Variants in ADK observed in about 807,000 individuals in gnomAD.
The protein encoded by ADK is adenosine kinase, also known as N6,N6-dimethyladenosine kinase.
In ADK, 24 loss-of-function variants were observed where a neutral mutation model predicts 44.7. The observed-to-expected ratio is 0.54, with a 90% CI of 0.39 to 0.76. ADK has a LOEUF of 0.76. Among genes scored for constraint, ADK ranks in the 30% least tolerant of loss-of-function variants. The pLI, the probability that ADK is intolerant of heterozygous loss-of-function variation, is 0.00. For missense variants in ADK, 321 were observed against 425.1 expected (o/e 0.76, Z 2.15); for synonymous variants, 128 against 142.6 (o/e 0.90, Z 0.73).
At chr10:74,210,867 C>T (rs549358253) in intron 2 of ADK, among the ~76,000 whole-genome samples, 1 of 152,200 alleles carries the variant, frequency 6.6e-6, no homozygotes, top group South Asian at 2.1e-4. Context: ...GAATTGTAAA[C>T]TGCTCTGACA....
At chr10:74,603,048 A>C (rs535777235) in intron 9 of ADK, among the ~76,000 whole-genome samples, 3 of 152,142 alleles carry the variant, frequency 2.0e-5, no homozygotes, top group African/African-American at 7.2e-5. Flanking sequence ...CTGTGGGGCA[A>C]TTCACAAAAG....
At chr10:74,553,106 T>A (rs1451093651) in intron 7 of ADK, among the ~76,000 whole-genome samples, 3 of 148,974 alleles carry the variant, frequency 2.0e-5, no homozygotes, top group African/African-American at 7.4e-5. Context: ...AACAAAAACA[T>A]ATATCCACAA....
intron 6 of ADK, among the ~76,000 whole-genome samples, chr10:74,431,890 C>T (rs1279534851): frequency 6.6e-6 from 1 of 152,104 alleles, no homozygotes; most frequent in Non-Finnish European, 1.5e-5. Context: ...GCTTTCTGAG[C>T]TCTTCTTTAA....
chr10:74,504,162 G>A (rs1004196244), intron 6 of ADK, among the ~76,000 whole-genome samples: 6 of 152,080 alleles, frequency 3.9e-5, no homozygotes, highest in East Asian at 3.9e-4. Flanking sequence ...ATTTTATATC[G>A]GTTTCAAAAT....
chr10:74,683,021 A>C (rs909401649), intron 10 of ADK, among the ~76,000 whole-genome samples: 1 of 152,240 alleles, frequency 6.6e-6, no homozygotes, highest in Non-Finnish European at 1.5e-5. Flanking sequence ...ATTTGAGTTC[A>C]TGACTAATTG....
chr10:74,336,818 C>T (rs1592064242), intron 4 of ADK, among the ~76,000 whole-genome samples: 1 of 152,194 alleles, frequency 6.6e-6, no homozygotes, highest in East Asian at 1.9e-4. Flanking sequence ...ATACCTAATA[C>T]ACTATAAATG....
chr10:74,340,825 T>A (rs555253003), intron 4 of ADK, among the ~76,000 whole-genome samples: 1 of 152,190 alleles, frequency 6.6e-6, no homozygotes, highest in East Asian at 1.9e-4. Context: ...TTTTGAAAGA[T>A]TAAAATGGCT....
intron 9 of ADK, among the ~76,000 whole-genome samples, chr10:74,653,100 T>C (rs1854332808): frequency 6.6e-6 from 1 of 152,210 alleles, no homozygotes; most frequent in Non-Finnish European, 1.5e-5. Flanking sequence ...AGAGACTTTA[T>C]TGAACCTCAG....
chr10:74,314,572 C>CTAT, intron 3 of ADK, 95 bp from the exon 4 acceptor site: 1 of 742,970 alleles, frequency 1.3e-6, no homozygotes, highest in Admixed American at 2.1e-5. Context: ...AAACATTTTA[C>CTAT]TATTTGTGTT....
intron 9 of ADK, among the ~76,000 whole-genome samples, chr10:74,634,176 AGTAGACT>A (rs1853538573): frequency 6.6e-6 from 1 of 152,118 alleles, no homozygotes; most frequent in African/African-American, 2.4e-5. Context: ...GAAACATTTG[AGTAGACT>A]GTACAACAGA....
At chr10:74,291,501 TA>T (rs1847434864) in intron 3 of ADK, among the ~76,000 whole-genome samples, 1 of 152,022 alleles carries the variant, frequency 6.6e-6, no homozygotes, top group African/African-American at 2.4e-5. Context: ...ACCAAAACAT[TA>T]TATAGATTGT....
intron 9 of ADK, among the ~76,000 whole-genome samples, chr10:74,635,668 G>A (rs1484137018): frequency 6.6e-5 from 10 of 152,094 alleles, no homozygotes; most frequent in African/African-American, 1.2e-4. Context: ...AAGGTAGTAC[G>A]TTGGCTGCAG....
intron 3 of ADK, among the ~76,000 whole-genome samples, chr10:74,283,123 C>T (rs1275632402): frequency 6.6e-6 from 1 of 152,042 alleles, no homozygotes; most frequent in African/African-American, 2.4e-5. Context: ...TTGGTACCTC[C>T]CTGTTTAACA....
intron 2 of ADK, among the ~76,000 whole-genome samples, chr10:74,206,936 T>C (rs1174649769): frequency 6.6e-6 from 1 of 152,170 alleles, no homozygotes; most frequent in Non-Finnish European, 1.5e-5. Context: ...CTTGTTCTGC[T>C]TGTTTGGCCT....
chr10:74,195,703 CTTTCTTT>C (rs1564585572), intron 1 of ADK, among the ~76,000 whole-genome samples: 1 of 105,976 alleles, frequency 9.4e-6, no homozygotes, highest in African/African-American at 3.1e-5. Flanking sequence ...TTTTTCTTTT[CTTTCTTT>C]TTTTTTTTTT....
At chr10:74,463,961 T>A (rs796331467) in intron 6 of ADK, among the ~76,000 whole-genome samples, 21 of 152,262 alleles carry the variant, frequency 1.4e-4, no homozygotes, top group African/African-American at 4.8e-4. Context: ...TAAGCAAAAC[T>A]TATTAACAGG....
chr10:74,704,580 C>T (rs1158268161), intron 10 of ADK, among the ~76,000 whole-genome samples: 3 of 152,106 alleles, frequency 2.0e-5, no homozygotes, highest in African/African-American at 7.2e-5. Context: ...TCACCTTGGG[C>T]AAAGGTCTTA....
chr10:74,159,192 A>G (rs570462276), intron 1 of ADK, among the ~76,000 whole-genome samples: 1 of 152,284 alleles, frequency 6.6e-6, no homozygotes, highest in Non-Finnish European at 1.5e-5. Flanking sequence ...CTGAGTTTCT[A>G]TTTGCATTTT....
intron 6 of ADK, among the ~76,000 whole-genome samples, chr10:74,406,526 TAAGAAG>T (rs57627124): frequency 0.43 from 57,810 of 135,440 alleles, 13,389 homozygotes; most frequent in Middle Eastern, 0.52. Context: ...ATAATAATAA[TAAGAAG>T]AAGAAGAAGA....
Sources: allele counts gnomAD v4.1 joint callset (sites outside exome capture counted in the v4.1 genomes callset), GRCh38; gene constraint gnomAD v4.1.1; transcripts MANE v1.5; gene names NCBI Gene and HGNC (gene_info 2026-07-23, HGNC 2026-07-21).